The following ZMYND11 variants were observed in gnomAD, a reference collection of about 807,000 sequenced individuals.
ZMYND11 encodes the protein zinc finger MYND domain-containing protein 11.
ZMYND11 carries 9 observed loss-of-function variants against 84.9 expected under a neutral mutation model. The observed-to-expected ratio is 0.11, with a 90% confidence interval of 0.06 to 0.18. ZMYND11 has a LOEUF of 0.18. Ranked by LOEUF, ZMYND11 falls within the 10% of genes least tolerant of loss-of-function variation. The pLI, the probability that ZMYND11 is intolerant of heterozygous loss-of-function variation, is 1.00. For synonymous variants in ZMYND11, 250 were observed against 244.1 expected (o/e 1.02, Z -0.23); for missense variants, 409 against 761.0 (o/e 0.54, Z 5.44).
intron 1 of ZMYND11, among the ~76,000 whole-genome samples, chr10:149,132 C>T (rs1203239155): frequency 6.6e-6 from 1 of 151,826 alleles, no homozygotes. Context: ...TTGAAAAATA[C>T]GAATTTTCTA....
At chr10:174,767 T>C (rs1482373954) in intron 1 of ZMYND11, among the ~76,000 whole-genome samples, 2 of 151,548 alleles carry the variant, frequency 1.3e-5, no homozygotes, top group Admixed American at 6.6e-5. Flanking sequence ...GGCACTACAG[T>C]GGCACATGCT....
chr10:135,150 C>G (rs2131008453), upstream of ZMYND11: 1 of 149,004 alleles, frequency 6.7e-6, no homozygotes, highest in South Asian at 2.1e-4. This position sits in a 1 kb window ranked among gnomAD's most constrained non-coding sequence, Gnocchi z 5.6. Flanking sequence ...CGGCGCCCAA[C>G]TTCCCGCCGC....
chr10:237,119 A>T (rs1950122120), intron 5 of ZMYND11, among the ~76,000 whole-genome samples: 1 of 152,180 alleles, frequency 6.6e-6, no homozygotes, highest in Admixed American at 6.6e-5. Flanking sequence ...TCTGTTTTGG[A>T]CATAGACATT....
intron 2 of ZMYND11, among the ~76,000 whole-genome samples, chr10:202,265 C>T (rs921143742): frequency 2.6e-5 from 4 of 152,206 alleles, no homozygotes; most frequent in South Asian, 2.1e-4. Flanking sequence ...TGTTCTGGCT[C>T]GGTTCTAACC....
chr10:217,302 C>T (rs1458596839), intron 3 of ZMYND11, among the ~76,000 whole-genome samples: 1 of 152,046 alleles, frequency 6.6e-6, no homozygotes, highest in Non-Finnish European at 1.5e-5. Context: ...GGGCAGATTG[C>T]CCAAGCTTAG....
intron 2 of ZMYND11, among the ~76,000 whole-genome samples, chr10:205,483 A>G (rs1328544998): frequency 6.6e-6 from 1 of 152,094 alleles, no homozygotes; most frequent in Non-Finnish European, 1.5e-5. Flanking sequence ...TGAGGCTGAG[A>G]GTTTGAGACC....
At chr10:186,532 T>C (rs990530628) in intron 2 of ZMYND11, among the ~76,000 whole-genome samples, 1 of 151,152 alleles carries the variant, frequency 6.6e-6, no homozygotes, top group Non-Finnish European at 1.5e-5. Context: ...TCCCAGCTAC[T>C]TGGGAGGCTG....
At position 246,730 on chromosome 10, in the gene ZMYND11, G is replaced by GA. The variant is rs762924522; in HGVS notation, c.951-35dup. Reference sequence around the variant, plus strand: ...TTTTACCACCCTTCCTGCCATTTGGGATGTTTCTAACTATACCTTTATGTG... The same window carrying GA: ...TTTTACCACCCTTCCTGCCATTTGGGAATGTTTCTAACTATACCTTTATGTG... On this transcript the variant is annotated intron_variant, in intron 10 of 14. Coordinates refer to ENST00000381604, the MANE Select transcript of ZMYND11 (RefSeq NM_001370100.5). 9 of 1,602,262 alleles carry GA rather than the reference G, an allele frequency of 5.6e-6. No homozygotes were observed. The Admixed American group carries it at 1.5e-4, about 27-fold the overall frequency.
At chr10:162,141 C>T (rs570422385) in intron 1 of ZMYND11, among the ~76,000 whole-genome samples, 1 of 152,230 alleles carries the variant, frequency 6.6e-6, no homozygotes, top group Admixed American at 6.5e-5. Context: ...ATTGTTGTGT[C>T]TCAAGGAGGC....
At chr10:186,642 C>CAAAAAAAA (rs56345833) in intron 2 of ZMYND11, among the ~76,000 whole-genome samples, 13 of 95,150 alleles carry the variant, frequency 1.4e-4, no homozygotes, top group African/African-American at 3.6e-4. Context: ...AGGACTCTCT[C>CAAAAAAAA]AAAAAAAAAA....
Position 252,815 on chromosome 10 carries a change from A to C in ZMYND11, c.*345A>C, listed in dbSNP as rs1001733705. 1 of 190,442 alleles carries C rather than the reference A, an allele frequency of 5.3e-6. No individual in the cohort carries two copies. The highest frequency in any genetic ancestry group is 2.4e-5 in the African/African-American group (1 of 42,174). The allele number at this position is 190,442 out of a possible 1,614,324, so 11.8% of individuals were successfully genotyped here. On this transcript the variant is annotated 3_prime_UTR_variant, in exon 15 of 15. Transcript: ENST00000381604. The surrounding 1 kb of genome is among the most constrained non-coding windows in gnomAD (Gnocchi z 4.6). ...CAGGTGAATACAAGTGAGTTTAACA[A>C]AGAAACATTTAGAATAGATCTGAAT...
chr10:238,854 C>A (rs1259747605), intron 6 of ZMYND11, among the ~76,000 whole-genome samples: 1 of 152,222 alleles, frequency 6.6e-6, no homozygotes, highest in Non-Finnish European at 1.5e-5. Flanking sequence ...CCAGACGCCC[C>A]TTCTTCCCCA....
Position 253,067 on chromosome 10 carries a change from TCTTTTCAATATATAA to T in ZMYND11, c.*603_*617del, listed in dbSNP as rs1164486414. ...TTTCCCAATTGTGTTTTTCATTATTTCTTTTCAATATATAACTTTTATAACAAATTATTAGCTTTG... is the reference window on the plus strand; with the variant it reads ...TTTCCCAATTGTGTTTTTCATTATTTCTTTTATAACAAATTATTAGCTTTG... On this transcript the variant is annotated 3_prime_UTR_variant, in exon 15 of 15. Transcript: ENST00000381604. 9 of 152,690 alleles carry T rather than the reference TCTTTTCAATATATAA, an allele frequency of 5.9e-5. No homozygotes were observed. The highest frequency in any genetic ancestry group is 8.8e-5 in the Non-Finnish European group (6 of 68,048). The allele number at this position is 152,690 out of a possible 1,614,324, so 9.5% of individuals were successfully genotyped here. A position where few individuals can be genotyped will look rare whatever the true frequency, so the allele number is the denominator to read the frequency against.
intron 6 of ZMYND11, among the ~76,000 whole-genome samples, chr10:238,072 C>T (rs990509081): frequency 2.0e-5 from 3 of 151,984 alleles, no homozygotes; most frequent in Admixed American, 6.6e-5. Context: ...ACTGATCTGC[C>T]GTCTTGGGAA....
intron 12 of ZMYND11, 32 bp downstream of exon 12, chr10:247,498 CAAATG>C (rs1306005301): frequency 1.9e-6 from 3 of 1,597,276 alleles, no homozygotes; most frequent in Middle Eastern, 1.7e-4. Context: ...ATCCAGGTGG[CAAATG>C]AAACAGGAAA....
chr10:139,461 C>G (rs1314950580), intron 1 of ZMYND11, among the ~76,000 whole-genome samples: 1 of 152,148 alleles, frequency 6.6e-6, no homozygotes, highest in Non-Finnish European at 1.5e-5. Flanking sequence ...GTTTTCAAAA[C>G]AAATGTAAAT....
At position 254,135 on chromosome 10, in the gene ZMYND11, G is replaced by C; in HGVS notation, c.*1665G>C. 6.6e-6 allele frequency: 1 copy of C among 152,576 alleles called. No homozygotes were observed. Among genetic ancestry groups the C allele is most frequent in the East Asian group, 1.9e-4 (1 of 5,200 alleles). The allele number at this position is 152,576 out of a possible 1,614,324, so 9.5% of individuals were successfully genotyped here. A position where few individuals can be genotyped will look rare whatever the true frequency, so the allele number is the denominator to read the frequency against. The stretch of plus-strand genomic sequence containing the variant: ...TGGCGCTGATGGAGATGTCAGAACC[G>C]AGAACACTTAACCTTCTTTGATTGT... On this transcript the variant is annotated 3_prime_UTR_variant, in exon 15 of 15. Transcript: ENST00000381604.
At chr10:196,724 T>C (rs555994442) in intron 2 of ZMYND11, among the ~76,000 whole-genome samples, 1 of 152,298 alleles carries the variant, frequency 6.6e-6, no homozygotes, top group East Asian at 1.9e-4. Context: ...AATACTGGAA[T>C]TCAATTTTAA....
chr10:210,000 A>G lies in ZMYND11; in HGVS notation c.228A>G (p.Ser76=), dbSNP rs755659213. The G allele has an allele frequency of 1.9e-6, 3 of 1,614,174 alleles. No homozygotes were observed. The highest frequency in any genetic ancestry group is 2.5e-6 in the Non-Finnish European group (3 of 1,179,996). The change falls in exon 3 of 15, where the codon TCA becomes TCG. Residue 76 remains serine, a synonymous_variant. Transcript: ENST00000381604. ...VETLTVGCKG[S]KAGIEQEGYW... Reference sequence around the variant, plus strand: ...CTCTAACAGTGGGCTGCAAAGGTTCAAAAGCTGGTATTGAACAAGAAGGAT... The same window carrying G: ...CTCTAACAGTGGGCTGCAAAGGTTCGAAAGCTGGTATTGAACAAGAAGGAT...
Sources: allele counts gnomAD v4.1 joint callset (sites outside exome capture counted in the v4.1 genomes callset), GRCh38; gene constraint gnomAD v4.1.1; non-coding constraint Gnocchi (gnomAD v3.1); transcripts MANE v1.5; gene names NCBI Gene and HGNC (gene_info 2026-07-23, HGNC 2026-07-21).